Variants in AGBL4 observed in about 807,000 individuals in gnomAD.
AGBL4 encodes the protein cytosolic carboxypeptidase 6.
Under a neutral mutation model 66.4 loss-of-function variants are expected in AGBL4, and 58 were observed. The ratio of observed to expected loss-of-function variants is 0.87; its 90% CI spans 0.71 to 1.09. The LOEUF is 1.09. Among genes scored for constraint, AGBL4 ranks in the 50% least tolerant of loss-of-function variants. The pLI is 0.00. For synonymous variants in AGBL4, 234 were observed against 222.9 expected, an observed-to-expected ratio of 1.05 and a Z score of -0.44; for missense variants, 579 against 631.0, an observed-to-expected ratio of 0.92 and a Z score of 0.88.
rs1056085650 is a variant in AGBL4 at position 48,770,404 on chromosome 1, CCT to C, written c.634+96785_634+96786del. Among the ~76,000 whole-genome samples the C allele has an allele frequency of 3.9e-5, 6 of 152,298 alleles. No homozygotes were observed. In the Middle Eastern group the frequency reaches 0.01, roughly 259 times the overall value. On this transcript the variant is annotated intron_variant, in intron 6 of 13. Coordinates refer to ENST00000371839, the MANE Select transcript of AGBL4 (RefSeq NM_032785.4). ...GGACACCTATCTCTGCTGGTTATCC[CCT>C]GATTCTAAGTCCATCTGTTAGACTA...
intron 3 of AGBL4, among the ~76,000 whole-genome samples, chr1:49,317,105 A>G (rs1010697794): frequency 2.0e-5 from 3 of 151,938 alleles, no homozygotes; most frequent in Non-Finnish European, 4.4e-5. Flanking sequence ...GAAACAAAAA[A>G]GTAAAATTAC....
chr1:48,662,550 G>T lies in AGBL4; in HGVS notation c.724+602C>A, dbSNP rs1156954262. ...CTCAACAATATACATATATATTGCT[G>T]ACTATAGCTGACTAAATGTAGTATG... On this transcript the variant is annotated intron_variant, in intron 7 of 13. Transcript: ENST00000371839. Among the ~76,000 whole-genome samples the T allele has an allele frequency of 3.9e-5, 6 of 152,290 alleles. No individual in the cohort carries two copies. The East Asian group carries it at 9.6e-4, about 24-fold the overall frequency.
intron 9 of AGBL4, among the ~76,000 whole-genome samples, chr1:48,624,437 C>T (rs948115966): frequency 6.6e-6 from 1 of 152,150 alleles, no homozygotes; most frequent in Non-Finnish European, 1.5e-5. Context: ...GAAAAAGACA[C>T]AATTTTTGTA....
rs926696626 is a variant in AGBL4, at chr1:48,549,132, A to G, written c.1268-9394T>C. On this transcript the variant is annotated intron_variant, in intron 11 of 13. Transcript: ENST00000371839. ...CCCCTCCCAGCAACAGATGATCACC[A>G]TTAAAGGGGGAAGATTAATTGTGCA... Among the ~76,000 whole-genome samples, 7 of 152,188 alleles carry G rather than the reference A, an allele frequency of 4.6e-5. No homozygotes were observed. In the South Asian group the frequency reaches 8.3e-4, roughly 18 times the overall value.
chr1:49,907,979 T>A (rs1303140503), intron 1 of AGBL4, among the ~76,000 whole-genome samples: 2 of 150,998 alleles, frequency 1.3e-5, no homozygotes, highest in Admixed American at 6.6e-5. Context: ...AGTCTTTAAT[T>A]AAAAAAAAAG....
intron 2 of AGBL4, among the ~76,000 whole-genome samples, chr1:49,787,428 G>A (rs1644483478): frequency 6.6e-6 from 1 of 151,678 alleles, no homozygotes; most frequent in South Asian, 2.1e-4. Context: ...GCGTGAACCT[G>A]GGAGGCGGAG....
At position 48,969,731 on chromosome 1, in the gene AGBL4, A is replaced by ATG. The variant is rs897451926; in HGVS notation, c.594+75851_594+75852dup. ...GTAATAGATTTCATCATTAGCCAGA[A>ATG]TGATAACTAGACAAGCAGTCTCCTT... On this transcript the variant is annotated intron_variant, in intron 5 of 13. Transcript: ENST00000371839. Among the ~76,000 whole-genome samples, 39 of 152,212 alleles carry ATG rather than the reference A, an allele frequency of 2.6e-4. 1 individual carries two copies. Among genetic ancestry groups the ATG allele is most frequent in the African/African-American group, 8.9e-4 (37 of 41,550 alleles).
intron 3 of AGBL4, among the ~76,000 whole-genome samples, chr1:49,374,599 A>G (rs535523047): frequency 1.2e-4 from 19 of 152,272 alleles, no homozygotes; most frequent in African/African-American, 4.3e-4. Context: ...AGACTGAGTC[A>G]AATGTAGTGC....
chr1:49,001,609 TC>T (rs1258439806), intron 5 of AGBL4, among the ~76,000 whole-genome samples: 1 of 152,158 alleles, frequency 6.6e-6, no homozygotes, highest in African/African-American at 2.4e-5. Flanking sequence ...CCAAGTGGTG[TC>T]AGCTCTAAGT....
At chr1:49,144,354 G>A (rs1248106609) in intron 4 of AGBL4, among the ~76,000 whole-genome samples, 2 of 151,578 alleles carry the variant, frequency 1.3e-5, no homozygotes, top group East Asian at 2.0e-4. Flanking sequence ...CATAAAGTGG[G>A]TAATATGTGG....
At chr1:49,407,488 A>G (rs1426656659) in intron 3 of AGBL4, among the ~76,000 whole-genome samples, 1 of 152,174 alleles carries the variant, frequency 6.6e-6, no homozygotes, top group African/African-American at 2.4e-5. Flanking sequence ...AATTCCTCAT[A>G]ATAAATCTCT....
intron 9 of AGBL4, among the ~76,000 whole-genome samples, chr1:48,602,731 A>C (rs1184197279): frequency 1.3e-5 from 2 of 149,624 alleles, no homozygotes; most frequent in African/African-American, 4.9e-5. Context: ...GAGCGAAAAC[A>C]GGAAGAAGAA....
rs968235998 is a variant in AGBL4 at position 48,606,353 on chromosome 1, T to C, written c.952-15368A>G. Among the ~76,000 whole-genome samples the C allele has an allele frequency of 2.6e-5, 4 of 152,200 alleles. No individual in the cohort carries two copies. In the East Asian group the frequency reaches 7.7e-4, roughly 29 times the overall value. On this transcript the variant is annotated intron_variant, in intron 9 of 13. Transcript: ENST00000371839. Reference sequence around the variant, plus strand: ...TGGATTTGTTTACAGAGAACTAAAATTCCTGTCTCTTAGTTGACTTCATGG... The same window carrying C: ...TGGATTTGTTTACAGAGAACTAAAACTCCTGTCTCTTAGTTGACTTCATGG...
intron 7 of AGBL4, among the ~76,000 whole-genome samples, chr1:48,657,983 A>T (rs1178528884): frequency 6.6e-6 from 1 of 152,206 alleles, no homozygotes; most frequent in Middle Eastern, 3.2e-3. Flanking sequence ...TTTAGTGCCT[A>T]GCTCAGTGCT....
chr1:49,657,169 C>A (rs1339506444), intron 3 of AGBL4, among the ~76,000 whole-genome samples: 1 of 152,166 alleles, frequency 6.6e-6, no homozygotes, highest in Non-Finnish European at 1.5e-5. Flanking sequence ...TCTCAGGATA[C>A]AAAATCAATG....
intron 6 of AGBL4, among the ~76,000 whole-genome samples, chr1:48,780,436 T>A (rs1645265845): frequency 6.6e-6 from 1 of 152,036 alleles, no homozygotes; most frequent in Non-Finnish European, 1.5e-5. Context: ...TACTTTAAAT[T>A]TCATATGGAA....
At chr1:49,587,016 A>G (rs1644661454) in intron 3 of AGBL4, among the ~76,000 whole-genome samples, 1 of 151,884 alleles carries the variant, frequency 6.6e-6, no homozygotes, top group Non-Finnish European at 1.5e-5. Flanking sequence ...ATCTACTTTG[A>G]GTGGATCACC....
chr1:49,169,677 A>G (rs1193909819), intron 4 of AGBL4, among the ~76,000 whole-genome samples: 4 of 152,168 alleles, frequency 2.6e-5, no homozygotes, highest in African/African-American at 4.8e-5. Context: ...ATCCATGTGT[A>G]TTGAGTGATT....
intron 3 of AGBL4, among the ~76,000 whole-genome samples, chr1:49,419,328 C>T (rs1645493752): frequency 6.6e-6 from 1 of 152,126 alleles, no homozygotes; most frequent in South Asian, 2.1e-4. Flanking sequence ...TATAATATTA[C>T]AGTAGCTGAA....
Sources: gnomAD v4.1 joint callset for allele counts (sites outside exome capture counted in the v4.1 genomes callset) on GRCh38, gnomAD v4.1.1 for gene constraint, MANE v1.5 for transcripts, NCBI Gene and HGNC (gene_info 2026-07-23, HGNC 2026-07-21) for gene names.